The following LINGO2 variants were observed in gnomAD, a reference collection of about 807,000 sequenced individuals.
LINGO2 encodes the protein leucine-rich repeat and immunoglobulin-like domain-containing nogo receptor-interacting protein 2.
Under a neutral mutation model 30.6 loss-of-function variants are expected in LINGO2, and 14 were observed. That is an observed-to-expected ratio of 0.46 (90% CI 0.30 to 0.72). The LOEUF is 0.72. Ranked by LOEUF, LINGO2 falls within the 30% of genes least tolerant of loss-of-function variation. The pLI, the probability that LINGO2 is intolerant of heterozygous loss-of-function variation, is 0.07. For missense variants in LINGO2, 729 were observed against 751.7 expected (o/e 0.97, Z 0.35); for synonymous variants, 317 against 288.5 (o/e 1.10, Z -1.00).
the LINGO2 span, among the ~76,000 whole-genome samples, chr9:28,790,325 C>CTTTCTTTTTTTTTTTTTTTTT: frequency 6.4e-4 from 68 of 106,266 alleles, 1 homozygote; most frequent in African/African-American, 2.5e-3. Flanking sequence ...TCTTTTCTTT[C>CTTTCTTTTTTTTTTTTTTTTT]TTTTTTTTTT....
the LINGO2 span, among the ~76,000 whole-genome samples, chr9:29,087,849 G>C: frequency 6.6e-6 from 1 of 151,948 alleles, no homozygotes; most frequent in Non-Finnish European, 1.5e-5. Context: ...GGGATCCTGG[G>C]AATATTCTTT....
the LINGO2 span, among the ~76,000 whole-genome samples, chr9:29,126,349 C>G: frequency 6.6e-6 from 1 of 152,116 alleles, no homozygotes; most frequent in African/African-American, 2.4e-5. Context: ...GTTTCCCCAT[C>G]ACTACAATAG....
the LINGO2 span, among the ~76,000 whole-genome samples, chr9:28,796,014 AC>A: frequency 6.6e-6 from 1 of 150,380 alleles, no homozygotes; most frequent in Non-Finnish European, 1.5e-5. Flanking sequence ...ACACACACAC[AC>A]ACAATTCAGG....
chr9:28,887,806 C>T, the LINGO2 span, among the ~76,000 whole-genome samples: 3 of 152,064 alleles, frequency 2.0e-5, no homozygotes, highest in Non-Finnish European at 2.9e-5. Flanking sequence ...TGCTTTCAAT[C>T]GATTTAATAT....
the LINGO2 span, among the ~76,000 whole-genome samples, chr9:28,927,426 T>G: frequency 1.3e-5 from 2 of 152,136 alleles, no homozygotes; most frequent in Non-Finnish European, 2.9e-5. Context: ...AATAAACCCA[T>G]GTAATATCTA....
the LINGO2 span, among the ~76,000 whole-genome samples, chr9:28,842,131 G>A: frequency 6.6e-6 from 1 of 151,814 alleles, no homozygotes; most frequent in Non-Finnish European, 1.5e-5. Flanking sequence ...CTGACAGTTT[G>A]ACAGTGAAAA....
At chr9:28,063,258 G>A (rs150139956) in intron 4 of LINGO2, among the ~76,000 whole-genome samples, 15 of 152,144 alleles carry the variant, frequency 9.9e-5, no homozygotes, top group African/African-American at 1.2e-4. Context: ...TAAGCCTTAC[G>A]AAGGATTGTA....
At chr9:28,683,092 ATTTTTGGTAT>A in the LINGO2 span, among the ~76,000 whole-genome samples, 1 of 152,060 alleles carries the variant, frequency 6.6e-6, no homozygotes. Flanking sequence ...ACTATAGCCT[ATTTTTGGTAT>A]TTTTTGCTTG....
intron 1 of LINGO2, among the ~76,000 whole-genome samples, chr9:28,591,324 T>C (rs1047075981): frequency 9.2e-5 from 14 of 151,830 alleles, no homozygotes; most frequent in African/African-American, 2.9e-4. Flanking sequence ...TATATATATA[T>C]AAAAGTCACT....
At chr9:28,820,713 T>G in the LINGO2 span, among the ~76,000 whole-genome samples, 1 of 152,356 alleles carries the variant, frequency 6.6e-6, no homozygotes, top group African/African-American at 2.4e-5. Flanking sequence ...GGGGCCATTG[T>G]TAAGGCACAG....
the LINGO2 span, among the ~76,000 whole-genome samples, chr9:28,927,958 G>T: frequency 6.6e-6 from 1 of 152,086 alleles, no homozygotes; most frequent in Non-Finnish European, 1.5e-5. Context: ...CATGCCCTGC[G>T]GTCATTTCAA....
chr9:28,899,205 A>G, the LINGO2 span, among the ~76,000 whole-genome samples: 4 of 152,226 alleles, frequency 2.6e-5, no homozygotes, highest in Admixed American at 2.0e-4. Flanking sequence ...ACCCTCGGCA[A>G]CACAGTGTGA....
intron 2 of LINGO2, among the ~76,000 whole-genome samples, chr9:28,471,793 T>C (rs1825530740): frequency 6.6e-6 from 1 of 152,112 alleles, no homozygotes; most frequent in Non-Finnish European, 1.5e-5. Flanking sequence ...ATAAACACAA[T>C]TGTACAGCAA....
chr9:27,999,108 G>A (rs1821814031), intron 5 of LINGO2, among the ~76,000 whole-genome samples: 1 of 151,826 alleles, frequency 6.6e-6, no homozygotes, highest in African/African-American at 2.4e-5. Context: ...ATAATACCTG[G>A]AAGAAGAAAG....
At chr9:28,204,189 T>C (rs1288489675) in intron 4 of LINGO2, among the ~76,000 whole-genome samples, 1 of 152,166 alleles carries the variant, frequency 6.6e-6, no homozygotes, top group African/African-American at 2.4e-5. Context: ...ACTCTAACTA[T>C]ATCTGTGTCT....
chr9:28,398,303 G>A (rs1470721799), intron 2 of LINGO2, among the ~76,000 whole-genome samples: 1 of 152,180 alleles, frequency 6.6e-6, no homozygotes. Flanking sequence ...CAGTTGCAAA[G>A]AGTTAGTGGT....
At chr9:28,045,864 A>G (rs1824397117) in intron 4 of LINGO2, among the ~76,000 whole-genome samples, 1 of 152,184 alleles carries the variant, frequency 6.6e-6, no homozygotes, top group Non-Finnish European at 1.5e-5. Flanking sequence ...GAGAAACTAC[A>G]ATGTTCTTCC....
At chr9:28,295,745 A>T (rs1229992245) in intron 3 of LINGO2, among the ~76,000 whole-genome samples, 1 of 152,144 alleles carries the variant, frequency 6.6e-6, no homozygotes. Context: ...TAACTGGGCA[A>T]TGGGATGCAA....
chr9:28,080,581 A>T (rs947933875), intron 4 of LINGO2: 1 of 152,190 alleles, frequency 6.6e-6, no homozygotes. Context: ...GAATGACACC[A>T]AAGCAAGTAT....
Sources: gnomAD v4.1 joint callset for allele counts (sites outside exome capture counted in the v4.1 genomes callset) on GRCh38, gnomAD v4.1.1 for gene constraint, MANE v1.5 for transcripts, NCBI Gene and HGNC (gene_info 2026-07-23, HGNC 2026-07-21) for gene names.